The following USP45 variants were observed in gnomAD, a reference collection of about 807,000 sequenced individuals.
USP45 encodes the protein ubiquitin carboxyl-terminal hydrolase 45.
A neutral mutation model predicts 95.8 loss-of-function variants in USP45; 89 were observed. The ratio of observed to expected loss-of-function variants is 0.93; its 90% CI spans 0.78 to 1.11. The LOEUF is 1.11. Among genes scored for constraint, USP45 ranks in the 50% least tolerant of loss-of-function variants. USP45 has a pLI of 0.00. For synonymous variants in USP45, 281 were observed against 316.2 expected, an observed-to-expected ratio of 0.89 and a Z score of 1.18; for missense variants, 898 against 942.5, an observed-to-expected ratio of 0.95 and a Z score of 0.62.
At chr6:99,456,023 C>T (rs1216040623) in intron 13 of USP45, among the ~76,000 whole-genome samples, 2 of 148,368 alleles carry the variant, frequency 1.3e-5, no homozygotes, top group Non-Finnish European at 1.5e-5. Flanking sequence ...GTCCCAGCTA[C>T]TTGGGAGGCT....
chr6:99,493,973 C>G (rs1385754676), intron 5 of USP45, among the ~76,000 whole-genome samples: 2 of 152,134 alleles, frequency 1.3e-5, no homozygotes, highest in East Asian at 3.8e-4. Context: ...GAATGAACTT[C>G]AAGATGTTTT....
At chr6:99,460,825 A>G (rs926786810) in intron 13 of USP45, 7 of 983,686 alleles carry the variant, frequency 7.1e-6, no homozygotes, top group Non-Finnish European at 8.5e-6. Context: ...CACCTTTTAT[A>G]ATAACTAAAA....
At chr6:99,450,984 G>A (rs1390683172) in intron 13 of USP45, among the ~76,000 whole-genome samples, 1 of 152,098 alleles carries the variant, frequency 6.6e-6, no homozygotes, top group Admixed American at 6.6e-5. Flanking sequence ...AAATTCAACA[G>A]CCCTTAATGC....
chr6:99,500,461 C>T (rs1797142822), intron 5 of USP45, among the ~76,000 whole-genome samples: 1 of 152,100 alleles, frequency 6.6e-6, no homozygotes, highest in African/African-American at 2.4e-5. Context: ...TCCATGCTCC[C>T]TTCCTAGCAT....
intron 2 of USP45, 85 bp from the exon 3 acceptor site, chr6:99,508,867 T>C: frequency 8.3e-7 from 1 of 1,205,388 alleles, no homozygotes; most frequent in Admixed American, 2.9e-5. Context: ...AAGTATTAAA[T>C]GCTGTTAACT....
At chr6:99,473,812 A>ACAC (rs1554239510) in intron 9 of USP45, among the ~76,000 whole-genome samples, 1 of 151,774 alleles carries the variant, frequency 6.6e-6, no homozygotes, top group African/African-American at 2.4e-5. Context: ...AAATTCACAG[A>ACAC]ACATCTACTA....
chr6:99,505,112 A>G (rs1313938387), intron 4 of USP45, among the ~76,000 whole-genome samples: 1 of 152,234 alleles, frequency 6.6e-6, no homozygotes, highest in East Asian at 1.9e-4. Flanking sequence ...TTCTAGCTTG[A>G]TTACATATAG....
In USP45 at chr6:99,508,702, C is replaced by G. The variant is rs552411764; in HGVS notation, c.181G>C (p.Val61Leu). 1.2e-6 allele frequency: 2 copies of G among 1,613,800 alleles called. No homozygotes were observed. The highest frequency in any genetic ancestry group is 1.7e-6 in the Non-Finnish European group (2 of 1,179,900). ...KRAIAENLWS[V>L]CSECLKERRF... ...CTTTCTTTTAAACATTCTGAGCAAA[C>G]TGACCACAGATTCTCAGCTATTGCT... is the stretch of plus-strand genomic sequence containing the variant. The change falls in exon 3 of 18, where the codon GTT becomes CTT. Residue 61 changes from valine to leucine, a missense_variant. By Grantham distance (32) the Val-to-Leu change is conservative. Transcript: ENST00000500704.
intron 5 of USP45, among the ~76,000 whole-genome samples, chr6:99,497,935 T>C (rs1362585745): frequency 6.6e-6 from 1 of 152,220 alleles, no homozygotes; most frequent in Non-Finnish European, 1.5e-5. Context: ...AATTTCTAGA[T>C]ATTCTTCTGC....
At position 99,435,818 on chromosome 6, in the gene USP45, T is replaced by C. The variant is rs9402791; in HGVS notation, c.2343A>G (p.Ala781=). Residue 781 remains alanine, a synonymous_variant, in exon 18 of 18, where the codon GCA becomes GCG. Transcript: ENST00000500704. The stretch of plus-strand genomic sequence containing the variant: ...TGTCACTAACATGGACCCACTGGCC[T>C]GCTGATTCATTATCAGCCGCTTTCA... ...PGLKAADNES[A]GQWVHVSDTY... 328,346 of 1,611,870 alleles carry C rather than the reference T, an allele frequency of 0.2. 37,326 individuals carry two copies. Among genetic ancestry groups the C allele is most frequent in the East Asian group, 0.44 (19,797 of 44,800 alleles).
chr6:99,462,344 G>GT, intron 13 of USP45: 1 of 984,980 alleles, frequency 1.0e-6, no homozygotes. Context: ...TGTGTGGAAA[G>GT]TATTTCTCTC....
At chr6:99,478,954 C>T (rs1238756422) in intron 8 of USP45, among the ~76,000 whole-genome samples, 1 of 151,432 alleles carries the variant, frequency 6.6e-6, no homozygotes, top group Non-Finnish European at 1.5e-5. Flanking sequence ...AAGAGTACAC[C>T]CTGTATGATT....
intron 13 of USP45, among the ~76,000 whole-genome samples, chr6:99,454,848 G>A (rs1265522918): frequency 6.6e-6 from 1 of 152,150 alleles, no homozygotes; most frequent in Non-Finnish European, 1.5e-5. Flanking sequence ...CAGCACTTTG[G>A]GAGGCCAAGG....
intron 10 of USP45, chr6:99,468,211 A>C (rs1256714890): frequency 2.1e-6 from 1 of 466,836 alleles, no homozygotes; most frequent in South Asian, 1.5e-5. Context: ...AACACATGTC[A>C]AATGATACAA....
intron 16 of USP45, 122 bp downstream of exon 16, chr6:99,439,647 G>T: frequency 1.7e-6 from 1 of 587,864 alleles, no homozygotes; most frequent in Non-Finnish European, 2.7e-6. Flanking sequence ...TTAATCACTG[G>T]CTATTAAAAT....
chr6:99,437,234 A>C lies in USP45; in HGVS notation c.2314+12T>G, dbSNP rs948106718. 1.3e-6 allele frequency: 2 copies of C among 1,595,182 alleles called. No individual in the cohort carries two copies. Among genetic ancestry groups the C allele is most frequent in the Non-Finnish European group, 1.7e-6 (2 of 1,175,116 alleles). The stretch of plus-strand genomic sequence containing the variant: ...TTGTTTTTAAGAATAAAATAAACTT[A>C]GGATGGCATACCAGGCACATTTTTC... On this transcript the variant is annotated intron_variant, in intron 17 of 17. Transcript: ENST00000500704.
At chr6:99,501,316 A>AC (rs1479285649) in intron 5 of USP45, among the ~76,000 whole-genome samples, 5 of 151,912 alleles carry the variant, frequency 3.3e-5, no homozygotes, top group Non-Finnish European at 7.4e-5. Flanking sequence ...TTACCGTGAT[A>AC]CCCCCCTGCT....
intron 10 of USP45, 152 bp downstream of exon 10, chr6:99,468,385 A>G (rs934765803): frequency 3.3e-6 from 2 of 600,864 alleles, no homozygotes; most frequent in South Asian, 4.0e-5. Context: ...ATGTTCCACT[A>G]AAGTATTTTT....
At chr6:99,439,924 C>G (rs1781214649) in intron 15 of USP45, 69 bp from the exon 16 acceptor site, 9 of 1,256,230 alleles carry the variant, frequency 7.2e-6, no homozygotes, top group Non-Finnish European at 1.0e-5. Flanking sequence ...TTAACTAAAA[C>G]CAAAAGAGAA....
Sources: gnomAD v4.1 joint callset for allele counts (sites outside exome capture counted in the v4.1 genomes callset) on GRCh38, gnomAD v4.1.1 for gene constraint, MANE v1.5 for transcripts, NCBI Gene and HGNC (gene_info 2026-07-23, HGNC 2026-07-21) for gene names.